Variants in DCLK1 observed in about 807,000 individuals in gnomAD.
DCLK1 encodes the protein serine/threonine-protein kinase DCLK1.
DCLK1 carries 16 observed loss-of-function variants against 86.2 expected under a neutral mutation model. The ratio of observed to expected loss-of-function variants is 0.19; its 90% confidence interval spans 0.13 to 0.28. DCLK1 has a LOEUF of 0.28. Among genes scored for constraint, DCLK1 ranks in the 10% least tolerant of loss-of-function variants. The probability of loss-of-function intolerance (pLI) is 1.00; values close to 1 mark genes in which losing one functional copy is unlikely to be tolerated. For missense variants in DCLK1, 590 were observed against 940.2 expected, an observed-to-expected ratio of 0.63 and a Z score of 4.87; for synonymous variants, 369 against 370.5, an observed-to-expected ratio of 1.00 and a Z score of 0.05.
At chr13:35,908,145 T>C (rs1874789890) in intron 4 of DCLK1, among the ~76,000 whole-genome samples, 1 of 151,856 alleles carries the variant, frequency 6.6e-6, no homozygotes, top group Non-Finnish European at 1.5e-5. Flanking sequence ...TTTCTCCTGA[T>C]GAGGTTTGAA....
intron 3 of DCLK1, among the ~76,000 whole-genome samples, chr13:35,989,628 G>A (rs568809364): frequency 6.6e-6 from 1 of 151,492 alleles, no homozygotes; most frequent in Admixed American, 6.6e-5. Context: ...CTGTAGCCTC[G>A]AACTCCTAGA....
At chr13:36,048,846 G>A (rs986095307) in intron 3 of DCLK1, among the ~76,000 whole-genome samples, 2 of 151,982 alleles carry the variant, frequency 1.3e-5, no homozygotes, top group African/African-American at 4.8e-5. Context: ...CAGCACCTGT[G>A]GGCAAATGCT....
intron 4 of DCLK1, among the ~76,000 whole-genome samples, chr13:35,894,145 A>C (rs1750906): frequency 0.16 from 24,798 of 152,140 alleles, 2,396 homozygotes; most frequent in East Asian, 0.27. Flanking sequence ...AACAAACAAA[A>C]AAAAAACAAC....
chr13:36,014,724 T>A (rs564752767), intron 3 of DCLK1, among the ~76,000 whole-genome samples: 1 of 152,324 alleles, frequency 6.6e-6, no homozygotes, highest in East Asian at 1.9e-4. Flanking sequence ...AGAACAAACA[T>A]GATTGAGAAA....
At chr13:36,024,789 G>C (rs578044206) in intron 3 of DCLK1, among the ~76,000 whole-genome samples, 2 of 151,610 alleles carry the variant, frequency 1.3e-5, no homozygotes, top group African/African-American at 4.8e-5. Flanking sequence ...AAACAATCCC[G>C]AGAAAGAAGA....
intron 16 of DCLK1, among the ~76,000 whole-genome samples, chr13:35,790,778 A>G (rs1209560970): frequency 1.3e-5 from 2 of 152,112 alleles, no homozygotes; most frequent in African/African-American, 2.4e-5. Context: ...TCTACCTCCC[A>G]CTTATTTTGC....
chr13:35,940,213 T>G (rs1295102040), intron 4 of DCLK1, among the ~76,000 whole-genome samples: 6 of 125,224 alleles, frequency 4.8e-5, no homozygotes, highest in African/African-American at 1.4e-4. Context: ...ACAGCAAGAG[T>G]CTGTCTCAAA....
At chr13:36,063,921 T>G (rs2153159779) in intron 3 of DCLK1, among the ~76,000 whole-genome samples, 1 of 152,172 alleles carries the variant, frequency 6.6e-6, no homozygotes, top group African/African-American at 2.4e-5. Context: ...TCATAAGAAA[T>G]CTCCACAATC....
intron 4 of DCLK1, among the ~76,000 whole-genome samples, chr13:35,874,844 A>T (rs1872505312): frequency 6.6e-6 from 1 of 152,218 alleles, no homozygotes; most frequent in Non-Finnish European, 1.5e-5. Context: ...TGCAACTGAC[A>T]ACACATCCTG....
At position 35,888,021 on chromosome 13, in the gene DCLK1, C is replaced by T. The variant is rs1390878757; in HGVS notation, c.824-16681G>A. Among the ~76,000 whole-genome samples, 4 of 150,148 alleles carry T rather than the reference C, an allele frequency of 2.7e-5. No individual in the cohort carries two copies. The East Asian group carries it at 6.0e-4, about 23-fold the overall frequency. ...CTAAACAATTTCTTCTTTTTATATTCTTTCACATTCATCCAAAGTAAGGCA... is the reference window on the plus strand; with the variant it reads ...CTAAACAATTTCTTCTTTTTATATTTTTTCACATTCATCCAAAGTAAGGCA... On this transcript the variant is annotated intron_variant, in intron 4 of 16. Transcript: ENST00000360631.
intron 3 of DCLK1, among the ~76,000 whole-genome samples, chr13:35,973,937 G>T (rs149278610): frequency 6.6e-6 from 1 of 152,184 alleles, no homozygotes; most frequent in African/African-American, 2.4e-5. Context: ...GATGATGTCA[G>T]TGAGGTTTGG....
At chr13:35,882,085 G>A (rs1872946032) in intron 4 of DCLK1, among the ~76,000 whole-genome samples, 1 of 152,200 alleles carries the variant, frequency 6.6e-6, no homozygotes, top group East Asian at 1.9e-4. Flanking sequence ...CTAGAGGCCA[G>A]AAGTCTGAAA....
chr13:36,125,322 T>C (rs1886130855), intron 2 of DCLK1, among the ~76,000 whole-genome samples: 1 of 152,160 alleles, frequency 6.6e-6, no homozygotes, highest in Non-Finnish European at 1.5e-5. Context: ...AAAGATAAAA[T>C]TAATGGGTTT....
At chr13:35,914,354 T>TATATATATGTATATGTATATATATAC (rs1566600270) in intron 4 of DCLK1, among the ~76,000 whole-genome samples, 1 of 17,520 alleles carries the variant, frequency 5.7e-5, no homozygotes, top group African/African-American at 2.0e-4. Context: ...TATATACATA[T>TATATATATGTATATGTATATATATAC]ATATATATAT....
intron 10 of DCLK1, among the ~76,000 whole-genome samples, chr13:35,825,051 G>A (rs1238392404): frequency 2.0e-5 from 3 of 152,166 alleles, no homozygotes; most frequent in Non-Finnish European, 2.9e-5. Context: ...CGTGTGCACC[G>A]CCTCTGGAGG....
At chr13:35,840,624 C>A (rs1268178977) in intron 6 of DCLK1, among the ~76,000 whole-genome samples, 1 of 152,152 alleles carries the variant, frequency 6.6e-6, no homozygotes, top group Non-Finnish European at 1.5e-5. Context: ...AAAAATCCCC[C>A]CTCAGTAAGC....
Position 36,000,280 on chromosome 13 carries a change from C to T in DCLK1, c.724-52823G>A, listed in dbSNP as rs186525675. Among the ~76,000 whole-genome samples the T allele has an allele frequency of 5.5e-3, 841 of 152,212 alleles. 6 individuals are homozygous for T. Among genetic ancestry groups the T allele is most frequent in the African/African-American group, 0.019 (801 of 41,548 alleles). On this transcript the variant is annotated intron_variant, in intron 3 of 16. Transcript: ENST00000360631. ...TTTCCCCCTGTGAGTTCTAGAGTTCCTATCATAACTTAAGGACGGAAACCA... is the reference window on the plus strand; with the variant it reads ...TTTCCCCCTGTGAGTTCTAGAGTTCTTATCATAACTTAAGGACGGAAACCA...
chr13:35,878,884 C>G (rs757204554), intron 4 of DCLK1, among the ~76,000 whole-genome samples: 2 of 152,022 alleles, frequency 1.3e-5, no homozygotes, highest in Non-Finnish European at 2.9e-5. Flanking sequence ...CTCCCAGGTT[C>G]AGGTGATTCT....
chr13:35,987,308 C>G (rs1411334336), intron 3 of DCLK1, among the ~76,000 whole-genome samples: 1 of 152,112 alleles, frequency 6.6e-6, no homozygotes, highest in African/African-American at 2.4e-5. Flanking sequence ...ACCTGTAATC[C>G]CAGCTACTTA....
Sources: allele counts gnomAD v4.1 joint callset (sites outside exome capture counted in the v4.1 genomes callset), GRCh38; gene constraint gnomAD v4.1.1; transcripts MANE v1.5; gene names NCBI Gene and HGNC (gene_info 2026-07-23, HGNC 2026-07-21).